MTREX: variants seen among roughly 807,000 people sequenced by gnomAD.
The protein encoded by MTREX is Mtr4 exosome RNA helicase.
In MTREX, 76 loss-of-function variants were observed where a neutral mutation model predicts 135.4. The observed-to-expected ratio is 0.56, with a 90% CI of 0.47 to 0.68. The LOEUF (loss-of-function observed/expected upper bound fraction) is 0.68. Ranked by LOEUF, MTREX falls within the 30% of genes least tolerant of loss-of-function variation. The probability of loss-of-function intolerance (pLI) is 0.00; values close to 1 mark genes in which losing one functional copy is unlikely to be tolerated. For synonymous variants in MTREX, 404 were observed against 401.6 expected (o/e 1.01, Z -0.07); for missense variants, 920 against 1,262.1 (o/e 0.73, Z 4.11).
At chr5:55,383,572 C>CT (rs1750431941) in intron 18 of MTREX, among the ~76,000 whole-genome samples, 1 of 151,950 alleles carries the variant, frequency 6.6e-6, no homozygotes, top group Non-Finnish European at 1.5e-5. Context: ...AGAGATTAAT[C>CT]TTTTTTTCTC....
chr5:55,379,844 T>C (rs1425028864), intron 18 of MTREX, among the ~76,000 whole-genome samples: 1 of 152,244 alleles, frequency 6.6e-6, no homozygotes, highest in Non-Finnish European at 1.5e-5. Flanking sequence ...CCATAACTTG[T>C]TTGTAAGAGA....
In MTREX at chr5:55,347,142, C is replaced by A; in HGVS notation, c.1238C>A (p.Thr413Lys). 1 of 1,596,924 alleles carries A rather than the reference C, an allele frequency of 6.3e-7. No homozygotes were observed. Among genetic ancestry groups the A allele is most frequent in the Non-Finnish European group, 8.5e-7 (1 of 1,172,018 alleles). The change falls in exon 11 of 27, where the codon ACA becomes AAA. Residue 413 changes from threonine to lysine, a missense_variant and splice_region_variant. By Grantham distance (78) the Thr-to-Lys change is moderately conservative. Transcript: ENST00000230640. Reference sequence around the variant, plus strand: ...CAAATGACCAAATTAGATTTCAACACAGGTACTACATCATTTCAGTATCAT... The same window carrying A: ...CAAATGACCAAATTAGATTTCAACAAAGGTACTACATCATTTCAGTATCAT... The part of the protein sequence containing the change: ...ALQMTKLDFN[T>K]DEEKKMVEEV...
intron 25 of MTREX, among the ~76,000 whole-genome samples, chr5:55,422,233 G>A (rs1751066053): frequency 6.6e-6 from 1 of 152,122 alleles, no homozygotes; most frequent in Admixed American, 6.5e-5. Context: ...TATAGCTTCA[G>A]CTTTGATACA....
At chr5:55,376,033 A>G (rs1006752425) in intron 16 of MTREX, among the ~76,000 whole-genome samples, 2 of 152,220 alleles carry the variant, frequency 1.3e-5, no homozygotes, top group African/African-American at 4.8e-5. Context: ...ACAGAGAAAC[A>G]TAGTTCCAAA....
intron 20 of MTREX, 132 bp from the exon 21 acceptor site, chr5:55,400,101 G>C (rs1033349439): frequency 1.7e-6 from 1 of 582,186 alleles, no homozygotes; most frequent in South Asian, 5.2e-5. Context: ...ATTTAAATTG[G>C]CAAAAGACAA....
chr5:55,405,391 T>G (rs1256165398), intron 21 of MTREX, 34 bp from the exon 22 acceptor site: 4 of 1,541,520 alleles, frequency 2.6e-6, no homozygotes, highest in Non-Finnish European at 3.6e-6. Flanking sequence ...TTCACTTTAT[T>G]ATTGAACTTT....
chr5:55,320,913 A>G (rs568495723), intron 1 of MTREX, among the ~76,000 whole-genome samples: 1 of 152,332 alleles, frequency 6.6e-6, no homozygotes, highest in Admixed American at 6.5e-5. Flanking sequence ...ATTTTTCTTC[A>G]TATGCTTTGA....
chr5:55,349,986 C>A (rs1749801460), intron 12 of MTREX, among the ~76,000 whole-genome samples: 1 of 152,204 alleles, frequency 6.6e-6, no homozygotes, highest in Admixed American at 6.5e-5. Context: ...AGAACACTTA[C>A]TGAAAATCAT....
intron 18 of MTREX, 123 bp downstream of exon 18, chr5:55,379,318 A>G (rs1446477706): frequency 1.7e-6 from 1 of 580,838 alleles, no homozygotes; most frequent in Non-Finnish European, 3.0e-6. Context: ...AAATTCTGCC[A>G]TGAGGAATTA....
intron 25 of MTREX, among the ~76,000 whole-genome samples, chr5:55,418,166 A>G (rs6871033): frequency 7.6e-4 from 114 of 150,128 alleles, no homozygotes; most frequent in Middle Eastern, 3.4e-3. Context: ...CCTGGGAGGC[A>G]GAGCTTGCAG....
chr5:55,417,115 T>G (rs1266746309), intron 25 of MTREX, among the ~76,000 whole-genome samples: 1 of 152,168 alleles, frequency 6.6e-6, no homozygotes, highest in Non-Finnish European at 1.5e-5. Flanking sequence ...ATTTTTAAAT[T>G]ATGGTGTTGT....
intron 16 of MTREX, among the ~76,000 whole-genome samples, chr5:55,369,915 C>CTT (rs60011222): frequency 0.066 from 9,334 of 141,392 alleles, 339 homozygotes; most frequent in Middle Eastern, 0.1. Context: ...TTTCTTTTTT[C>CTT]TTTTTTTTTT....
chr5:55,395,562 G>A (rs1022223468), intron 19 of MTREX, among the ~76,000 whole-genome samples: 26 of 151,996 alleles, frequency 1.7e-4, no homozygotes, highest in African/African-American at 5.3e-4. Context: ...GTCTCTAAAG[G>A]CTCTCCCTAC....
Position 55,420,777 on chromosome 5 carries a change from A to G in MTREX, c.2972-2101A>G, listed in dbSNP as rs563911467. Among the ~76,000 whole-genome samples the G allele has an allele frequency of 2.0e-5, 3 of 152,264 alleles. No homozygotes were observed. In the South Asian group the frequency reaches 6.2e-4, roughly 32 times the overall value. ...GGTGGTAAAAATGCTCTAAAATTAGATAATGATGATGGTTACACAAGTCTG... is the reference window on the plus strand; with the variant it reads ...GGTGGTAAAAATGCTCTAAAATTAGGTAATGATGATGGTTACACAAGTCTG... On this transcript the variant is annotated intron_variant, in intron 25 of 26. Transcript: ENST00000230640.
chr5:55,364,108 G>C (rs1750057623), intron 15 of MTREX, among the ~76,000 whole-genome samples: 1 of 152,088 alleles, frequency 6.6e-6, no homozygotes, highest in Non-Finnish European at 1.5e-5. Context: ...TCAGAGTGGG[G>C]GTTACGTTTT....
At chr5:55,309,178 T>C (rs1269728064) in intron 1 of MTREX, among the ~76,000 whole-genome samples, 1 of 152,140 alleles carries the variant, frequency 6.6e-6, no homozygotes, top group African/African-American at 2.4e-5. Context: ...GGAGCATAAA[T>C]TGAGCAAGAG....
At chr5:55,349,999 G>A (rs769475820) in intron 12 of MTREX, among the ~76,000 whole-genome samples, 1 of 152,146 alleles carries the variant, frequency 6.6e-6, no homozygotes, top group Non-Finnish European at 1.5e-5. Context: ...AAAATCATGT[G>A]TTTAGTGAGG....
intron 2 of MTREX, among the ~76,000 whole-genome samples, chr5:55,323,096 A>T (rs907730226): frequency 2.6e-5 from 4 of 150,966 alleles, no homozygotes; most frequent in Admixed American, 6.6e-5. Flanking sequence ...ATTTTTTTTT[A>T]AAACCAGTTA....
intron 13 of MTREX, 59 bp from the exon 14 acceptor site, chr5:55,353,109 T>C: frequency 8.2e-7 from 1 of 1,217,932 alleles, no homozygotes; most frequent in Non-Finnish European, 1.1e-6. Flanking sequence ...TTAAAAATTA[T>C]AAAACCAGAT....
Sources: gnomAD v4.1 joint callset for allele counts (sites outside exome capture counted in the v4.1 genomes callset) on GRCh38, gnomAD v4.1.1 for gene constraint, MANE v1.5 for transcripts, NCBI Gene and HGNC (gene_info 2026-07-23, HGNC 2026-07-21) for gene names.